OGFOD1: variants seen among roughly 807,000 people sequenced by gnomAD.
The protein encoded by OGFOD1 is prolyl 3-hydroxylase OGFOD1.
Under a neutral mutation model 67.7 loss-of-function variants are expected in OGFOD1, and 54 were observed. The ratio of observed to expected loss-of-function variants is 0.80; its 90% confidence interval spans 0.64 to 1.00. OGFOD1 has a LOEUF of 1.00. OGFOD1 is among the 50% of genes least tolerant of loss of function. OGFOD1 has a pLI of 0.00. For synonymous variants in OGFOD1, 221 were observed against 227.0 expected, an observed-to-expected ratio of 0.97 and a Z score of 0.24; for missense variants, 606 against 646.7, an observed-to-expected ratio of 0.94 and a Z score of 0.68.
chr16:56,462,692 T>G (rs1962753073), intron 4 of OGFOD1, 58 bp downstream of exon 4: 1 of 993,320 alleles, frequency 1.0e-6, no homozygotes, highest in Non-Finnish European at 1.6e-6. Flanking sequence ...TCAGCATTAA[T>G]GGAGAGATGG....
intron 10 of OGFOD1, among the ~76,000 whole-genome samples, chr16:56,474,414 G>A (rs753200161): frequency 2.7e-4 from 40 of 148,806 alleles, no homozygotes; most frequent in Non-Finnish European, 8.9e-5. Flanking sequence ...TCTGCCACCC[G>A]GGCTCAAGCA....
rs1333544612 is a variant in OGFOD1 at position 56,476,688 on chromosome 16, C to G, written c.*483C>G. ...TCCCCTTCCCCTAGCAACAGCCATACCTTTTGTCTCTATCATCAACTTCAC... is the reference window on the plus strand; with the variant it reads ...TCCCCTTCCCCTAGCAACAGCCATAGCTTTTGTCTCTATCATCAACTTCAC... On this transcript the variant is annotated 3_prime_UTR_variant, in exon 13 of 13. Transcript: ENST00000566157. 1 of 153,234 alleles carries G rather than the reference C, an allele frequency of 6.5e-6. No individual in the cohort carries two copies. The highest frequency in any genetic ancestry group is 1.5e-5 in the Non-Finnish European group (1 of 68,892). 9.5% of individuals were successfully genotyped at this position (153,234 alleles called of 1,614,324 possible).
chr16:56,464,864 G>T (rs1364154806), intron 4 of OGFOD1, among the ~76,000 whole-genome samples: 2 of 152,086 alleles, frequency 1.3e-5, no homozygotes, highest in Non-Finnish European at 2.9e-5. Flanking sequence ...TAACAATCAA[G>T]ATCTGGACTC....
At position 56,467,167 on chromosome 16, in the gene OGFOD1, G is replaced by A; in HGVS notation, c.660G>A (p.Val220=). 1 of 1,614,102 alleles carries A rather than the reference G, an allele frequency of 6.2e-7. No individual in the cohort carries two copies. The highest frequency in any genetic ancestry group is 8.5e-7 in the Non-Finnish European group (1 of 1,180,010). Residue 220 remains valine (V), a splice_region_variant and synonymous_variant, in exon 7 of 13, where the codon GTG becomes GTA. Transcript: ENST00000566157. ...FEVSPVSFHQ[V]SEVLSEEKSR... ...TGCTACTGGGCTTCTCCTTTCAGGT[G>A]TCTGAAGTGCTGTCTGAAGAAAAGT... is the stretch of plus-strand genomic sequence containing the variant.
chr16:56,458,640 G>T, intron 3 of OGFOD1, 46 bp downstream of exon 3: 9 of 1,454,770 alleles, frequency 6.2e-6, no homozygotes, highest in Non-Finnish European at 7.7e-6. Flanking sequence ...GTGCCAGGCA[G>T]AGTAGTAAGT....
intron 2 of OGFOD1, among the ~76,000 whole-genome samples, chr16:56,457,459 A>G (rs13331622): frequency 0.012 from 1,770 of 152,360 alleles, 38 homozygotes; most frequent in African/African-American, 0.041. Flanking sequence ...AAGTTCTGAA[A>G]TTAGGAAGTG....
At chr16:56,468,611 A>G (rs1026506412) in intron 8 of OGFOD1, among the ~76,000 whole-genome samples, 34 of 152,106 alleles carry the variant, frequency 2.2e-4, no homozygotes, top group African/African-American at 6.3e-4. Context: ...CTGTAATCCC[A>G]GCTACTCAGG....
chr16:56,475,541 C>A lies in OGFOD1; in HGVS notation c.1443C>A (p.Tyr481Ter). 1.2e-6 allele frequency: 2 copies of A among 1,613,974 alleles called. No homozygotes were observed. The highest frequency in any genetic ancestry group is 8.5e-7 in the Non-Finnish European group (1 of 1,179,880). ...WEPEYGGFTSYIAKGEDEELL... is the reference protein window; with the variant it reads ...WEPEYGGFTS ...CAGAATATGGCGGTTTTACTTCTTA[C>A]ATTGCCAAAGGTGAAGATGAAGAGG... is the stretch of plus-strand genomic sequence containing the variant. The change falls in exon 12 of 13, where the codon TAC becomes TAA. Residue 481 changes from tyrosine to a stop codon, truncating the protein, a stop_gained. Coordinates refer to ENST00000566157, the MANE Select transcript of OGFOD1 (RefSeq NM_018233.4). LOFTEE classifies it high-confidence loss of function.
intron 2 of OGFOD1, chr16:56,454,796 A>G (rs567383416): frequency 2.2e-6 from 1 of 447,590 alleles, no homozygotes; most frequent in East Asian, 7.2e-5. Flanking sequence ...AGATGGTTGT[A>G]TCCTGACCTT....
At chr16:56,452,410 A>G (rs1162449284) in intron 1 of OGFOD1, among the ~76,000 whole-genome samples, 1 of 152,202 alleles carries the variant, frequency 6.6e-6, no homozygotes, top group Non-Finnish European at 1.5e-5. Flanking sequence ...GCTTTGACCA[A>G]GGAAAGGCGC....
chr16:56,455,090 G>A (rs189561562), intron 2 of OGFOD1, among the ~76,000 whole-genome samples: 98 of 152,276 alleles, frequency 6.4e-4, no homozygotes, highest in Admixed American at 4.2e-3. Flanking sequence ...GAAGATGGCC[G>A]GGCACAGTGG....
rs1271175006 is a variant in OGFOD1 at position 56,451,574 on chromosome 16, T to C, written c.-39T>C. On this transcript the variant is annotated 5_prime_UTR_variant, in exon 1 of 13. Transcript: ENST00000566157. ...TTGCAGTACCCTCAGGAAGGTAGCG[T>C]CTTGATCTGCGTGGCGTGGTTCTGT... 1.2e-6 allele frequency: 2 copies of C among 1,610,154 alleles called. No homozygotes were observed. Among genetic ancestry groups the C allele is most frequent in the South Asian group, 1.1e-5 (1 of 90,960 alleles).
At chr16:56,460,572 G>A (rs1962681052) in intron 3 of OGFOD1, among the ~76,000 whole-genome samples, 1 of 152,144 alleles carries the variant, frequency 6.6e-6, no homozygotes, top group African/African-American at 2.4e-5. Flanking sequence ...AAAGTTACAT[G>A]GCACCTCTGA....
chr16:56,470,140 A>C, intron 9 of OGFOD1, 58 bp downstream of exon 9: 1 of 1,451,590 alleles, frequency 6.9e-7, no homozygotes, highest in Non-Finnish European at 9.6e-7. Flanking sequence ...ACATTTTTTT[A>C]TAACTAGTAA....
At chr16:56,472,298 G>A (rs1014525554) in intron 10 of OGFOD1, among the ~76,000 whole-genome samples, 15 of 152,010 alleles carry the variant, frequency 9.9e-5, no homozygotes, top group African/African-American at 3.6e-4. Context: ...TTCCTTTTTT[G>A]GTTTCATTTT....
rs1963591841 is a variant in OGFOD1 at position 56,478,973 on chromosome 16, AT to A, written c.*2772del. 1.3e-5 allele frequency: 2 copies of A among 152,192 alleles called. No individual in the cohort carries two copies. The highest frequency in any genetic ancestry group is 6.5e-5 in the Admixed American group (1 of 15,272). 9.4% of individuals were successfully genotyped at this position (152,192 alleles called of 1,614,324 possible). On this transcript the variant is annotated 3_prime_UTR_variant, in exon 13 of 13. Transcript: ENST00000566157. ...AAGTTTGTTTTCCTTATAGTACTTCATTTTGCATCTTGATTGCTTTTTAGGG... is the reference window on the plus strand; with the variant it reads ...AAGTTTGTTTTCCTTATAGTACTTCATTTGCATCTTGATTGCTTTTTAGGG...
At chr16:56,453,624 C>A in intron 2 of OGFOD1, 1 of 392,416 alleles carries the variant, frequency 2.5e-6, no homozygotes. Flanking sequence ...CAGTGCCTGC[C>A]CTGTAAGACT....
chr16:56,467,152 CT>C lies in OGFOD1; in HGVS notation c.658-11del. The C allele has an allele frequency of 4.3e-6, 7 of 1,614,032 alleles. No individual in the cohort carries two copies. The highest frequency in any genetic ancestry group is 5.9e-6 in the Non-Finnish European group (7 of 1,179,974). ...TTCTTCGTGTTGATGTGCTACTGGGCTTCTCCTTTCAGGTGTCTGAAGTGCT... is the reference window on the plus strand; with the variant it reads ...TTCTTCGTGTTGATGTGCTACTGGGCTCTCCTTTCAGGTGTCTGAAGTGCT... On this transcript the variant is annotated splice_polypyrimidine_tract_variant and intron_variant, in intron 6 of 12. Transcript: ENST00000566157.
chr16:56,466,162 G>C lies in OGFOD1; in HGVS notation c.459G>C (p.Leu153=). 1 of 1,613,872 alleles carries C rather than the reference G, an allele frequency of 6.2e-7. No homozygotes were observed. The part of the protein sequence containing the change: ...CAKYEFTDAL[L]CHDDELEGRR... ...ATTAAACTATTGCAGATGCCCTGCTGTGCCATGATGATGAGCTGGAAGGGC... is the reference window on the plus strand; with the variant it reads ...ATTAAACTATTGCAGATGCCCTGCTCTGCCATGATGATGAGCTGGAAGGGC... The change falls in exon 5 of 13, where the codon CTG becomes CTC. Residue 153 remains leucine, a synonymous_variant. Transcript: ENST00000566157.
Sources: allele counts gnomAD v4.1 joint callset (sites outside exome capture counted in the v4.1 genomes callset), GRCh38; gene constraint gnomAD v4.1.1; transcripts MANE v1.5; gene names NCBI Gene and HGNC (gene_info 2026-07-23, HGNC 2026-07-21).